Variants in PITPNA observed in about 807,000 individuals in gnomAD.
PITPNA encodes the protein phosphatidylinositol transfer protein alpha isoform.
In PITPNA, 13 loss-of-function variants were observed where a neutral mutation model predicts 50.3. The ratio of observed to expected loss-of-function variants is 0.26; its 90% CI spans 0.17 to 0.41. The LOEUF is 0.41. PITPNA is among the 10% of genes least tolerant of loss of function. The pLI, the probability that PITPNA is intolerant of heterozygous loss-of-function variation, is 1.00. For missense variants in PITPNA, 207 were observed against 333.4 expected (o/e 0.62, Z 2.95); for synonymous variants, 120 against 119.6 (o/e 1.00, Z -0.02).
intron 10 of PITPNA, among the ~76,000 whole-genome samples, chr17:1,529,951 C>T (rs2075571676): frequency 6.6e-6 from 1 of 152,044 alleles, no homozygotes; most frequent in Admixed American, 6.5e-5. Context: ...TGGCCAAAGG[C>T]CAAGAGGTAC....
At chr17:1,542,042 A>C (rs1447751089) in intron 5 of PITPNA, among the ~76,000 whole-genome samples, 2 of 152,062 alleles carry the variant, frequency 1.3e-5, no homozygotes, top group Admixed American at 1.3e-4. Flanking sequence ...TCTACTAAAA[A>C]TACAAAAATT....
intron 4 of PITPNA, among the ~76,000 whole-genome samples, chr17:1,547,659 AT>A (rs755444607): frequency 6.6e-6 from 1 of 152,074 alleles, no homozygotes; most frequent in Non-Finnish European, 1.5e-5. Context: ...CAAAAAAAAA[AT>A]AATAATAAAA....
intron 6 of PITPNA, among the ~76,000 whole-genome samples, chr17:1,539,375 G>T (rs1447690960): frequency 6.6e-6 from 1 of 151,738 alleles, no homozygotes; most frequent in South Asian, 2.1e-4. Flanking sequence ...TCCTGTCACA[G>T]CCTCCTGAGG....
At chr17:1,535,576 G>T in intron 7 of PITPNA, 58 bp from the exon 8 acceptor site, 1 of 1,030,740 alleles carries the variant, frequency 9.7e-7, no homozygotes, top group South Asian at 1.3e-5. Context: ...TGAGAGATGG[G>T]GAGAACAGAT....
At chr17:1,537,904 G>A (rs1320011107) in intron 7 of PITPNA, among the ~76,000 whole-genome samples, 1 of 152,072 alleles carries the variant, frequency 6.6e-6, no homozygotes, top group Non-Finnish European at 1.5e-5. Flanking sequence ...GGGTTCAAGC[G>A]ATTCTCTTGC....
chr17:1,547,339 C>G (rs2075680383), intron 4 of PITPNA, among the ~76,000 whole-genome samples: 1 of 152,062 alleles, frequency 6.6e-6, no homozygotes, highest in South Asian at 2.1e-4. Context: ...GGACACCAGC[C>G]TGGACAACAG....
chr17:1,533,406 C>T (rs1016654489), intron 10 of PITPNA, among the ~76,000 whole-genome samples: 2 of 152,112 alleles, frequency 1.3e-5, no homozygotes, highest in African/African-American at 2.4e-5. Flanking sequence ...AGAGCAGCAG[C>T]GCCTCCTCAT....
chr17:1,560,153 T>C (rs1598415894), intron 1 of PITPNA, among the ~76,000 whole-genome samples: 1 of 152,184 alleles, frequency 6.6e-6, no homozygotes. Context: ...GAGAATGCCA[T>C]GGGCCAATTC....
chr17:1,547,085 C>A (rs1285412032), intron 4 of PITPNA, among the ~76,000 whole-genome samples: 1 of 138,296 alleles, frequency 7.2e-6, no homozygotes. Context: ...TTAGGCCAGG[C>A]ACAGTGGCTC....
Position 1,559,704 on chromosome 17 carries a change from A to G in PITPNA, c.21-1145T>C, listed in dbSNP as rs938295068. 7.6e-6 allele frequency: 7 copies of G among 917,226 alleles called. No individual in the cohort carries two copies. The African/African-American group carries it at 9.0e-5, about 12-fold the overall frequency. The allele number at this position is 917,226 out of a possible 1,614,324, so 56.8% of individuals were successfully genotyped here. A position where few individuals can be genotyped will look rare whatever the true frequency, so the allele number is the denominator to read the frequency against. ...TAAACAGCTATTTTCTAGTTCCACAAAGGTCCCCCAGGAAGCAAGAAGGAC... is the reference window on the plus strand; with the variant it reads ...TAAACAGCTATTTTCTAGTTCCACAGAGGTCCCCCAGGAAGCAAGAAGGAC... On this transcript the variant is annotated intron_variant, in intron 1 of 11. Coordinates refer to ENST00000313486, the MANE Select transcript of PITPNA (RefSeq NM_006224.4).
Position 1,562,236 on chromosome 17 carries a change from C to A in PITPNA, c.20+305G>T, listed in dbSNP as rs1210907178. 6.6e-6 allele frequency among the ~76,000 whole-genome samples: 1 copy of A among 151,940 alleles called. No homozygotes were observed. Among genetic ancestry groups the A allele is most frequent in the African/African-American group, 2.4e-5 (1 of 41,388 alleles). ...CGGGTTGTCCCTCCGTGCCCGTGGG[C>A]CCCTCCATGCCCCGGCTGCCCGTCC... On this transcript the variant is annotated intron_variant, in intron 1 of 11. Transcript: ENST00000313486. The surrounding 1 kb of genome is among the most constrained non-coding windows in gnomAD (Gnocchi z 6.4).
At chr17:1,548,451 T>C (rs1007152707) in intron 3 of PITPNA, 64 bp from the exon 4 acceptor site, 2 of 1,139,074 alleles carry the variant, frequency 1.8e-6, no homozygotes, top group Non-Finnish European at 2.5e-6. Flanking sequence ...AAGAGGCTTT[T>C]CAGATCCAGC....
intron 10 of PITPNA, among the ~76,000 whole-genome samples, chr17:1,528,566 T>C (rs1270741615): frequency 2.0e-5 from 3 of 151,956 alleles, no homozygotes; most frequent in South Asian, 4.2e-4. Flanking sequence ...GAGCAACATA[T>C]TGAGATCTTG....
chr17:1,537,436 T>C (rs2075624747), intron 7 of PITPNA, among the ~76,000 whole-genome samples: 9 of 152,084 alleles, frequency 5.9e-5, no homozygotes, highest in Admixed American at 5.9e-4. Flanking sequence ...TGACCTCAAG[T>C]GATATGCCTG....
At chr17:1,540,788 T>C (rs1334015681) in intron 6 of PITPNA, among the ~76,000 whole-genome samples, 2 of 152,202 alleles carry the variant, frequency 1.3e-5, no homozygotes, top group Non-Finnish European at 2.9e-5. Flanking sequence ...GGTTTCACCG[T>C]GTTAGCCAGG....
rs779630415 is a variant in PITPNA at position 1,521,649 on chromosome 17, G to C, written c.769-4C>G. The C allele has an allele frequency of 7.4e-6, 12 of 1,612,496 alleles. No individual in the cohort carries two copies. The highest frequency in any genetic ancestry group is 2.7e-5 in the African/African-American group (2 of 74,822). ...TCACTGGGTCCTTTTGTCTCATCTG[G>C]AACAAAAAAAGCAGGACAAATGGAA... On this transcript the variant is annotated splice_region_variant and splice_polypyrimidine_tract_variant and intron_variant, in intron 10 of 11. Transcript: ENST00000313486.
chr17:1,549,531 T>C (rs1236314690), intron 3 of PITPNA, among the ~76,000 whole-genome samples: 1 of 144,498 alleles, frequency 6.9e-6, no homozygotes, highest in East Asian at 2.5e-4. Context: ...TTAGACAGGA[T>C]GGTCTCAATC....
At chr17:1,534,524 G>T (rs2075603362) in intron 9 of PITPNA, among the ~76,000 whole-genome samples, 1 of 152,132 alleles carries the variant, frequency 6.6e-6, no homozygotes, top group South Asian at 2.1e-4. Context: ...CAAGCCAAGG[G>T]CCCCAAACCA....
intron 5 of PITPNA, chr17:1,541,901 C>T: frequency 1.8e-6 from 1 of 565,236 alleles, no homozygotes; most frequent in Non-Finnish European, 3.5e-6. Context: ...GTGACTTAAC[C>T]AAAGTCACAG....
Sources: allele counts gnomAD v4.1 joint callset (sites outside exome capture counted in the v4.1 genomes callset), GRCh38; gene constraint gnomAD v4.1.1; non-coding constraint Gnocchi (gnomAD v3.1); transcripts MANE v1.5; gene names NCBI Gene and HGNC (gene_info 2026-07-23, HGNC 2026-07-21).